Variants in TRMT61B observed in about 807,000 individuals in gnomAD.
TRMT61B encodes tRNA methyltransferase 61B, also known as tRNA (adenine(58)-N(1))-methyltransferase, mitochondrial.
In TRMT61B, 56 loss-of-function variants were observed where a neutral mutation model predicts 52.0. The observed-to-expected ratio is 1.08, with a 90% CI of 0.87 to 1.35. The LOEUF (loss-of-function observed/expected upper bound fraction) is 1.35. TRMT61B is among the 40% of genes most tolerant of loss of function. The pLI is 0.00. For synonymous variants in TRMT61B, 206 were observed against 220.0 expected (o/e 0.94, Z 0.56); for missense variants, 650 against 577.9 (o/e 1.12, Z -1.28).
At chr2:28,865,928 G>A (rs1346211256) in intron 1 of TRMT61B, among the ~76,000 whole-genome samples, 10 of 151,452 alleles carry the variant, frequency 6.6e-5, no homozygotes, top group Non-Finnish European at 1.3e-4. Flanking sequence ...TGATCCGCTC[G>A]CCTCAGCCTC....
chr2:28,861,009 G>T, intron 3 of TRMT61B, 109 bp downstream of exon 3: 1 of 894,130 alleles, frequency 1.1e-6, no homozygotes, highest in Non-Finnish European at 1.7e-6. Context: ...AATCCCTAGA[G>T]ATAGACATGA....
chr2:28,861,022 C>A, intron 3 of TRMT61B, 96 bp downstream of exon 3: 1 of 1,026,444 alleles, frequency 9.7e-7, no homozygotes, highest in Non-Finnish European at 1.4e-6. Flanking sequence ...AGACATGAAG[C>A]AAACGAAGGA....
At chr2:28,866,843 T>C (rs1572556076) in intron 1 of TRMT61B, among the ~76,000 whole-genome samples, 1 of 152,200 alleles carries the variant, frequency 6.6e-6, no homozygotes, top group East Asian at 1.9e-4. Context: ...TCACTCAGAC[T>C]GGAGTGTAGT....
At chr2:28,861,870 G>C (rs1284563890) in intron 2 of TRMT61B, 3 of 152,170 alleles carry the variant, frequency 2.0e-5, no homozygotes, top group Non-Finnish European at 4.4e-5. Flanking sequence ...CTCCACGTAA[G>C]TGGTGTCAAC....
intron 4 of TRMT61B, among the ~76,000 whole-genome samples, chr2:28,852,101 C>T (rs1484855094): frequency 1.3e-5 from 2 of 150,440 alleles, no homozygotes; most frequent in African/African-American, 4.9e-5. Flanking sequence ...CACCTGAAGT[C>T]AGGAGTTCAA....
rs760677287 is a variant in TRMT61B at position 28,870,268 on chromosome 2, C to T, written c.10G>A (p.Ala4Thr). Residue 4 changes from alanine to threonine, a missense_variant, in exon 1 of 7, where the codon GCA (alanine) becomes ACA (threonine). Coordinates refer to ENST00000306108, the MANE Select transcript of TRMT61B (RefSeq NM_017910.4). ...AGCAAGACAGGACCGCGGCACCATG[C>T]CATTAGCATAGTGTTTCGCGAAGGC... is the stretch of plus-strand genomic sequence containing the variant. MLM[A>T]WCRGPVLLCL... 7 of 1,582,460 alleles carry T rather than the reference C, an allele frequency of 4.4e-6. No homozygotes were observed. Among genetic ancestry groups the T allele is most frequent in the South Asian group, 3.4e-5 (3 of 88,566 alleles).
chr2:28,860,271 C>CCAAA (rs1669544282), intron 3 of TRMT61B, among the ~76,000 whole-genome samples: 1 of 11,220 alleles, frequency 8.9e-5, no homozygotes. Flanking sequence ...GACTCTGTTG[C>CCAAA]CAAAAAAAAA....
intron 3 of TRMT61B, among the ~76,000 whole-genome samples, chr2:28,855,344 C>A (rs1461444809): frequency 6.6e-6 from 1 of 152,096 alleles, no homozygotes; most frequent in African/African-American, 2.4e-5. Flanking sequence ...TTTAAGTATA[C>A]AATTCACTGT....
At position 28,854,629 on chromosome 2, in the gene TRMT61B, A is replaced by T. The variant is rs150917649; in HGVS notation, c.994-2130T>A. ...GTGGTGCACACCTGTAATCCCAGCT[A>T]CTTAGGAGGCTGAGGCAGGAGAATA... is the stretch of plus-strand genomic sequence containing the variant. On this transcript the variant is annotated intron_variant, in intron 3 of 6. Transcript: ENST00000306108. Among the ~76,000 whole-genome samples, 875 of 150,856 alleles carry T rather than the reference A, an allele frequency of 5.8e-3. 8 individuals carry two copies. Among genetic ancestry groups the T allele is most frequent in the African/African-American group, 0.02 (831 of 41,068 alleles).
chr2:28,868,074 C>G (rs1486633453), intron 1 of TRMT61B, among the ~76,000 whole-genome samples: 2 of 152,048 alleles, frequency 1.3e-5, no homozygotes, highest in Non-Finnish European at 2.9e-5. Context: ...GCTTATTATA[C>G]CTCAGTAGCC....
chr2:28,869,589 G>A lies in TRMT61B; in HGVS notation c.689C>T (p.Thr230Ile). The change falls in exon 1 of 7, where the codon ACA (threonine) becomes ATA (isoleucine). Residue 230 changes from threonine to isoleucine, a missense_variant. Transcript: ENST00000306108. The stretch of plus-strand genomic sequence containing the variant: ...TCTCCATCGCATTACCTTTGGGAAT[G>A]TTATGGCAGTCCCTCTTTTCATCAA... ...VVLMKRGTAI[T>I]FPKDINMILS... 6.2e-7 allele frequency: 1 copy of A among 1,610,638 alleles called. No homozygotes were observed. The highest frequency in any genetic ancestry group is 8.5e-7 in the Non-Finnish European group (1 of 1,177,454).
At chr2:28,856,640 AT>A (rs969648764) in intron 3 of TRMT61B, among the ~76,000 whole-genome samples, 38 of 147,166 alleles carry the variant, frequency 2.6e-4, no homozygotes, top group East Asian at 1.6e-3. Flanking sequence ...ATTTAATTAA[AT>A]TTTTTTTTTT....
In TRMT61B at chr2:28,869,996, C is replaced by T. The variant is rs1349621504; in HGVS notation, c.282G>A (p.Arg94=). 3 of 1,613,642 alleles carry T rather than the reference C, an allele frequency of 1.9e-6. No individual in the cohort carries two copies. The East Asian group carries it at 6.7e-5, about 36-fold the overall frequency. The change falls in exon 1 of 7, where the codon CGG becomes CGA. Residue 94 remains arginine (R), a synonymous_variant. Transcript: ENST00000306108. ...CGAGCTCTCGAGGGGATGACTCTTC[C>T]CGCAGCGTCGGCAGTCTGAGGTTTT... The part of the protein sequence containing the change: ...SLENLRLPTL[R]EESSPRELED...
intron 1 of TRMT61B, among the ~76,000 whole-genome samples, chr2:28,868,953 A>G (rs1669964079): frequency 6.6e-6 from 1 of 152,138 alleles, no homozygotes; most frequent in Non-Finnish European, 1.5e-5. Flanking sequence ...GCAGGGAGCC[A>G]AGATCGCAAC....
At chr2:28,855,272 T>C (rs952670960) in intron 3 of TRMT61B, among the ~76,000 whole-genome samples, 1 of 152,196 alleles carries the variant, frequency 6.6e-6, no homozygotes, top group Non-Finnish European at 1.5e-5. Context: ...ATTTTAAAGA[T>C]TGACATGATT....
Position 28,869,760 on chromosome 2 carries a change from C to A in TRMT61B, c.518G>T (p.Arg173Met). ...ATTTAAGAGTCCGAAGTTGTTCAAC[C>A]TAAATAATTTCTTAAATTTTGTTTC... ...EGETKFKKLF[R>M]LNNFGLLNSN... Residue 173 changes from arginine to methionine, a missense_variant, in exon 1 of 7, where the codon AGG (arginine) becomes ATG (methionine). Arg to Met is a moderately conservative substitution (Grantham distance 91, BLOSUM62 -1). Transcript: ENST00000306108. The A allele has an allele frequency of 2.5e-6, 4 of 1,614,208 alleles. No homozygotes were observed. Among genetic ancestry groups the A allele is most frequent in the Middle Eastern group, 1.6e-4 (1 of 6,062 alleles).
In TRMT61B at chr2:28,851,291, G is replaced by C. The variant is rs770562081; in HGVS notation, c.1093C>G (p.Gln365Glu). 3 of 1,590,110 alleles carry C rather than the reference G, an allele frequency of 1.9e-6. No individual in the cohort carries two copies. The Admixed American group carries it at 5.6e-5, about 30-fold the overall frequency. Reference protein sequence around the residue: ...VCAVYVVNITQVIELLDGIRT... With the variant: ...VCAVYVVNITEVIELLDGIRT... ...ATTCCATCTAAAAGTTCAATAACCT[G>C]TGTGATGCTTTCAGAAAAGTGAAAA... The change falls in exon 5 of 7, where the codon CAG becomes GAG. Residue 365 changes from glutamine (Q) to glutamate (E), a missense_variant. Gln to Glu is a conservative substitution (Grantham distance 29). Coordinates refer to ENST00000306108, the MANE Select transcript of TRMT61B (RefSeq NM_017910.4).
intron 3 of TRMT61B, among the ~76,000 whole-genome samples, chr2:28,858,201 C>T (rs1273219476): frequency 2.0e-5 from 3 of 151,726 alleles, no homozygotes; most frequent in Non-Finnish European, 4.4e-5. Flanking sequence ...CCACCAGGCC[C>T]GGCTAATTTT....
chr2:28,857,709 G>A (rs1331532859), intron 3 of TRMT61B, among the ~76,000 whole-genome samples: 3 of 152,018 alleles, frequency 2.0e-5, no homozygotes, highest in African/African-American at 7.3e-5. Flanking sequence ...TATGGAGCCC[G>A]GCAGTGGACC....
Sources: gnomAD v4.1 joint callset for allele counts (sites outside exome capture counted in the v4.1 genomes callset) on GRCh38, gnomAD v4.1.1 for gene constraint, MANE v1.5 for transcripts, NCBI Gene and HGNC (gene_info 2026-07-23, HGNC 2026-07-21) for gene names.